The following RGS12 variants were observed in gnomAD, a reference collection of about 807,000 sequenced individuals.
The protein encoded by RGS12 is regulator of G protein signaling 12.
Under a neutral mutation model 120.1 loss-of-function variants are expected in RGS12, and 66 were observed. That is an observed-to-expected ratio of 0.55 (90% CI 0.45 to 0.67). The LOEUF is 0.67. Among genes scored for constraint, RGS12 ranks in the 30% least tolerant of loss-of-function variants. RGS12 has a pLI of 0.00. For missense variants in RGS12, 1,859 were observed against 1,957.7 expected (o/e 0.95, Z 0.95); for synonymous variants, 827 against 804.7 (o/e 1.03, Z -0.47).
Position 3,317,736 on chromosome 4 carries a change from C to T in RGS12, c.1566C>T (p.Ser522=). The T allele has an allele frequency of 1.9e-6, 3 of 1,613,554 alleles. No homozygotes were observed. The highest frequency in any genetic ancestry group is 1.3e-5 in the African/African-American group (1 of 75,068). ...CCTTGAGGAGCTCAGTCCCCCCTTCCAAGAGGGGCACCGTGGGTGCTGGCT... is the reference window on the plus strand; with the variant it reads ...CCTTGAGGAGCTCAGTCCCCCCTTCTAAGAGGGGCACCGTGGGTGCTGGCT... ...PASLRSSVPP[S]KRGTVGAGCG... The change falls in exon 2 of 18, where the codon TCC becomes TCT. Residue 522 remains serine (S), a synonymous_variant. Coordinates refer to ENST00000336727, the MANE Select transcript of RGS12 (RefSeq NM_001394154.1).
At chr4:3,394,326 C>G (rs566325251) in intron 4 of RGS12, among the ~76,000 whole-genome samples, 40 of 152,136 alleles carry the variant, frequency 2.6e-4, no homozygotes, top group Non-Finnish European at 4.3e-4. Flanking sequence ...CCACGCCTGG[C>G]TAATTTTTGT....
intron 2 of RGS12, among the ~76,000 whole-genome samples, chr4:3,337,352 A>T (rs183725396): frequency 6.6e-6 from 1 of 152,352 alleles, no homozygotes; most frequent in East Asian, 1.9e-4. Context: ...CATGGCCCAC[A>T]GTCCTACTTC....
intron 1 of RGS12, among the ~76,000 whole-genome samples, chr4:3,303,541 C>T (rs771227697): frequency 2.0e-5 from 3 of 152,150 alleles, no homozygotes; most frequent in Non-Finnish European, 2.9e-5. Flanking sequence ...GCAGAGTTTC[C>T]CCTCCTTGGG....
At chr4:3,352,019 G>A (rs1256170238) in intron 3 of RGS12, among the ~76,000 whole-genome samples, 1 of 152,106 alleles carries the variant, frequency 6.6e-6, no homozygotes, top group African/African-American at 2.4e-5. Context: ...ATATACAGAT[G>A]TGTGTAAGCA....
intron 1 of RGS12, among the ~76,000 whole-genome samples, chr4:3,303,925 CT>C (rs1196157102): frequency 3.3e-5 from 5 of 152,206 alleles, no homozygotes; most frequent in African/African-American, 9.7e-5. Flanking sequence ...TTTCTTTCCC[CT>C]AATCATTCAT....
intron 10 of RGS12, among the ~76,000 whole-genome samples, chr4:3,421,961 A>G (rs1577085550): frequency 6.6e-6 from 1 of 152,242 alleles, no homozygotes; most frequent in Non-Finnish European, 1.5e-5. Context: ...GTCACAGTCC[A>G]GGCGACGTTT....
At position 3,422,494 on chromosome 4, in the gene RGS12, A is replaced by G. The variant is rs375110525; in HGVS notation, c.2957A>G (p.Asp986Gly). The change falls in exon 11 of 18, where the codon GAC becomes GGC. Residue 986 changes from aspartate (D) to glycine (G), a missense_variant. Around this residue, in one of 3 missense-constraint regions of RGS12, gnomAD observed 375 missense variants for 475.0 expected, o/e 0.79. Coordinates refer to ENST00000336727, the MANE Select transcript of RGS12 (RefSeq NM_001394154.1). ...VAVKAGFSIK[D>G]ILSGLCERHG... is the part of the protein sequence containing the mutation. ...GTCAAGGCGGGCTTCTCCATCAAAGACATCCTGTCCGGACTCTGTGAGCGG... is the reference window on the plus strand; with the variant it reads ...GTCAAGGCGGGCTTCTCCATCAAAGGCATCCTGTCCGGACTCTGTGAGCGG... 1.3e-5 allele frequency: 21 copies of G among 1,612,996 alleles called. No homozygotes were observed. Among genetic ancestry groups the G allele is most frequent in the Non-Finnish European group, 1.8e-5 (21 of 1,179,968 alleles).
chr4:3,384,819 G>A (rs534682019), intron 3 of RGS12, among the ~76,000 whole-genome samples: 2 of 152,326 alleles, frequency 1.3e-5, no homozygotes, highest in East Asian at 1.9e-4. Context: ...GGGGGAGGAG[G>A]ATGCGCATAG....
rs148603274 is a variant in RGS12 at position 3,428,738 on chromosome 4, G to A, written c.3565+27G>A. 1.9e-4 allele frequency: 293 copies of A among 1,563,506 alleles called. No homozygotes were observed. The African/African-American group carries it at 3.3e-3, about 18-fold the overall frequency. ...TATGTGAACTTTTTAAAACTTCCACGTTTTTAGTAAATGCACAGTTAGTTT... is the reference window on the plus strand; with the variant it reads ...TATGTGAACTTTTTAAAACTTCCACATTTTTAGTAAATGCACAGTTAGTTT... On this transcript the variant is annotated intron_variant, in intron 16 of 17. Coordinates refer to ENST00000336727, the MANE Select transcript of RGS12 (RefSeq NM_001394154.1).
chr4:3,349,544 ACT>A (rs76078669), intron 3 of RGS12, among the ~76,000 whole-genome samples: 34,430 of 151,890 alleles, frequency 0.23, 4,440 homozygotes, highest in South Asian at 0.35. Context: ...AGACAAAATT[ACT>A]CTTTTTTTCA....
chr4:3,364,455 G>A (rs1347047212), intron 3 of RGS12, among the ~76,000 whole-genome samples: 1 of 152,118 alleles, frequency 6.6e-6, no homozygotes, highest in African/African-American at 2.4e-5. Flanking sequence ...CCTGAGCTGC[G>A]GTTCAGTAGA....
In RGS12 at chr4:3,316,631, CGA is replaced by C. The variant is rs1560653605; in HGVS notation, c.463_464del (p.Ser155ProfsTer25). On this transcript the variant is annotated frameshift_variant, in exon 2 of 18. Transcript: ENST00000336727. LOFTEE classifies it high-confidence loss of function. ...ATTTTCAATATGATTTTTGAAAACC[CGA>C]GCCTTTGTGCGAGCAATTCAGAGCC... 6.2e-7 allele frequency: 1 copy of C among 1,614,044 alleles called. No homozygotes were observed. Among genetic ancestry groups the C allele is most frequent in the Non-Finnish European group, 8.5e-7 (1 of 1,180,018 alleles).
At chr4:3,422,630 C>T in intron 11 of RGS12, 60 bp downstream of exon 11, 3 of 1,540,364 alleles carry the variant, frequency 1.9e-6, no homozygotes, top group Non-Finnish European at 2.6e-6. Flanking sequence ...GCTCCCTGGC[C>T]CCCAGCTTTG....
At chr4:3,404,706 G>C (rs1170353390) in intron 4 of RGS12, among the ~76,000 whole-genome samples, 1 of 152,248 alleles carries the variant, frequency 6.6e-6, no homozygotes, top group Non-Finnish European at 1.5e-5. Context: ...ATAGCAGTGT[G>C]TGCGTGTGCA....
chr4:3,423,675 G>C (rs772913465), intron 13 of RGS12, 34 bp downstream of exon 13: 3 of 1,586,422 alleles, frequency 1.9e-6, no homozygotes, highest in Admixed American at 1.7e-5. Flanking sequence ...CGTCGTCACC[G>C]CAGGCACTGT....
At chr4:3,364,393 TCCGCAG>T (rs1716074473) in intron 3 of RGS12, among the ~76,000 whole-genome samples, 1 of 152,120 alleles carries the variant, frequency 6.6e-6, no homozygotes, top group African/African-American at 2.4e-5. Context: ...GGTGGGTGTA[TCCGCAG>T]AACCTGCTCC....
At chr4:3,344,081 T>C (rs942584609) in intron 3 of RGS12, among the ~76,000 whole-genome samples, 22 of 152,146 alleles carry the variant, frequency 1.4e-4, no homozygotes, top group Admixed American at 1.2e-3. Context: ...AGAGTGTTCT[T>C]AGCTGGGAAG....
chr4:3,308,076 G>A (rs1029032277), intron 1 of RGS12, among the ~76,000 whole-genome samples: 1 of 152,336 alleles, frequency 6.6e-6, no homozygotes, highest in African/African-American at 2.4e-5. Context: ...AGGACCATGC[G>A]GTCAGGTGTG....
chr4:3,289,946 T>C (rs1438318816), upstream of RGS12, among the ~76,000 whole-genome samples: 4 of 152,252 alleles, frequency 2.6e-5, no homozygotes, highest in East Asian at 5.8e-4. Flanking sequence ...TTCACTGTTA[T>C]AATGTCCCCC....
Sources: allele counts gnomAD v4.1 joint callset (sites outside exome capture counted in the v4.1 genomes callset), GRCh38; gene constraint gnomAD v4.1.1; regional missense constraint gnomAD v4.1.1; transcripts MANE v1.5; gene names NCBI Gene and HGNC (gene_info 2026-07-23, HGNC 2026-07-21).